Variants in SYN3 observed in about 807,000 individuals in gnomAD.
SYN3 encodes the protein synapsin-3.
Under a neutral mutation model 65.8 loss-of-function variants are expected in SYN3, and 35 were observed. The ratio of observed to expected loss-of-function variants is 0.53; its 90% CI spans 0.41 to 0.70. The LOEUF is 0.70. SYN3 is among the 30% of genes least tolerant of loss of function. The pLI is 0.00. For missense variants in SYN3, 680 were observed against 749.0 expected (o/e 0.91, Z 1.08); for synonymous variants, 270 against 292.9 (o/e 0.92, Z 0.80).
chr22:32,740,028 T>C (rs2061384965), intron 6 of SYN3, among the ~76,000 whole-genome samples: 1 of 152,102 alleles, frequency 6.6e-6, no homozygotes, highest in South Asian at 2.1e-4. Context: ...GTGACAGAGG[T>C]AAAGAATGAC....
At chr22:32,822,103 C>T (rs5754303) in intron 6 of SYN3, among the ~76,000 whole-genome samples, 7 of 146,732 alleles carry the variant, frequency 4.8e-5, no homozygotes, top group East Asian at 2.0e-4. Flanking sequence ...TGCAATGAGC[C>T]GAGATCGCAC....
intron 4 of SYN3, among the ~76,000 whole-genome samples, chr22:32,877,946 T>G (rs549206863): frequency 6.6e-6 from 1 of 152,256 alleles, no homozygotes; most frequent in Non-Finnish European, 1.5e-5. Flanking sequence ...AGGAATAATT[T>G]TTAGGATTTT....
chr22:32,999,512 G>T, intron 2 of SYN3, among the ~76,000 whole-genome samples: 1 of 152,028 alleles, frequency 6.6e-6, no homozygotes, highest in Non-Finnish European at 1.5e-5. Flanking sequence ...AGATGAAACC[G>T]TCTCTACTAA....
chr22:32,865,143 A>G lies in SYN3; in HGVS notation c.622-139T>C. The G allele has an allele frequency of 4.5e-6, 3 of 666,270 alleles. No homozygotes were observed. In the South Asian group the frequency reaches 5.3e-5, roughly 12 times the overall value. The allele number at this position is 666,270 out of a possible 1,614,324, so 41.3% of individuals were successfully genotyped here. On this transcript the variant is annotated intron_variant, in intron 5 of 13. Coordinates refer to ENST00000358763, the MANE Select transcript of SYN3 (RefSeq NM_003490.4). The stretch of plus-strand genomic sequence containing the variant: ...TGCTATCCTACCCTGCCTATAGGAT[A>G]AAGACCAGATTCCTTGGCTGGACAT...
intron 6 of SYN3, among the ~76,000 whole-genome samples, chr22:32,695,819 C>T (rs773393629): frequency 3.2e-4 from 48 of 152,150 alleles, no homozygotes; most frequent in Non-Finnish European, 5.9e-4. Context: ...TCTTCTATGA[C>T]TCACCTACCT....
chr22:32,510,483 GCCACAGGGGTTT>G lies in SYN3; in HGVS notation c.*3197_*3208del, dbSNP rs2146029962. Among the ~76,000 whole-genome samples, 1 of 152,270 alleles carries G rather than the reference GCCACAGGGGTTT, an allele frequency of 6.6e-6. No individual in the cohort carries two copies. The highest frequency in any genetic ancestry group is 2.1e-4 in the South Asian group (1 of 4,822). On this transcript the variant is annotated 3_prime_UTR_variant, in exon 14 of 14. Transcript: ENST00000358763. ...GTGAGATTGTTGAAGAGGGACGATT[GCCACAGGGGTTT>G]CCTGTGTTCTTAATCTCCTGAAACT... is the stretch of plus-strand genomic sequence containing the variant.
rs16991165 is a variant in SYN3 at position 32,777,533 on chromosome 22, C to T, written c.711+87382G>A. Among the ~76,000 whole-genome samples, 669 of 152,250 alleles carry T rather than the reference C, an allele frequency of 4.4e-3. 12 individuals are homozygous for T. The East Asian group carries it at 0.047, about 11-fold the overall frequency. ...CAGATGCCAAGTCTATCTAAACATT[C>T]TATCATCAGTTCATCATTTTTGCAT... is the stretch of plus-strand genomic sequence containing the variant. On this transcript the variant is annotated intron_variant, in intron 6 of 13. Coordinates refer to ENST00000358763, the MANE Select transcript of SYN3 (RefSeq NM_003490.4).
chr22:32,828,619 G>A (rs1443827168), intron 6 of SYN3, among the ~76,000 whole-genome samples: 10 of 152,232 alleles, frequency 6.6e-5, no homozygotes, highest in Admixed American at 6.5e-4. Flanking sequence ...CAGGCCCAGG[G>A]ACAGGAAGTG....
intron 1 of SYN3, among the ~76,000 whole-genome samples, chr22:33,055,739 G>C (rs555192225): frequency 2.0e-5 from 3 of 152,344 alleles, no homozygotes; most frequent in African/African-American, 4.8e-5. Flanking sequence ...ATTGGACAAA[G>C]AGCCTGTTAT....
intron 6 of SYN3, among the ~76,000 whole-genome samples, chr22:32,604,360 C>T (rs148591320): frequency 2.0e-5 from 3 of 152,284 alleles, no homozygotes; most frequent in Non-Finnish European, 4.4e-5. Context: ...TCTCCCTCCT[C>T]CTCCTCAGCC....
At chr22:32,515,059 G>A (rs2057749622) in intron 13 of SYN3, among the ~76,000 whole-genome samples, 1 of 152,002 alleles carries the variant, frequency 6.6e-6, no homozygotes, top group South Asian at 2.1e-4. Context: ...CGCAGGGACT[G>A]TCTTTTACTC....
chr22:32,948,750 A>ATAAATAAATAAG lies in SYN3; in HGVS notation c.370-17270_370-17269insCTTATTTATTTA, dbSNP rs1210270177. 4.6e-5 allele frequency among the ~76,000 whole-genome samples: 7 copies of ATAAATAAATAAG among 150,930 alleles called. No homozygotes were observed. The South Asian group carries it at 1.1e-3, about 23-fold the overall frequency. The stretch of plus-strand genomic sequence containing the variant: ...AGACTCCGTCTCAATAAATAAATAA[A>ATAAATAAATAAG]TAAATAAGTTCCTCGGTATGGTTTT... On this transcript the variant is annotated intron_variant, in intron 3 of 13. Transcript: ENST00000358763.
intron 7 of SYN3, among the ~76,000 whole-genome samples, chr22:32,560,277 A>G (rs2058568336): frequency 6.6e-6 from 1 of 152,234 alleles, no homozygotes; most frequent in South Asian, 2.1e-4. Context: ...CTCCTGCTCT[A>G]AAGCCTGCCT....
chr22:32,605,215 T>C (rs2059355725), intron 6 of SYN3, among the ~76,000 whole-genome samples: 1 of 152,004 alleles, frequency 6.6e-6, no homozygotes, highest in Non-Finnish European at 1.5e-5. Flanking sequence ...AGAAGTCATA[T>C]GCGAACAGGC....
intron 3 of SYN3, among the ~76,000 whole-genome samples, chr22:32,979,760 C>T (rs914724667): frequency 2.6e-5 from 4 of 152,104 alleles, no homozygotes; most frequent in Admixed American, 2.0e-4. Flanking sequence ...CTCACAGCAC[C>T]CTATGAACAC....
chr22:32,604,971 A>G (rs1277832846), intron 6 of SYN3, among the ~76,000 whole-genome samples: 1 of 143,994 alleles, frequency 6.9e-6, no homozygotes, highest in African/African-American at 2.6e-5. Context: ...GCGCCACTGC[A>G]CACCAGCCTG....
At chr22:32,737,306 T>G (rs1433111786) in intron 6 of SYN3, among the ~76,000 whole-genome samples, 6 of 152,036 alleles carry the variant, frequency 3.9e-5, no homozygotes, top group African/African-American at 1.4e-4. Flanking sequence ...TTCTTCTGGA[T>G]CTTTTCTTTT....
At chr22:32,693,228 C>T (rs777214506) in intron 6 of SYN3, among the ~76,000 whole-genome samples, 125 of 152,242 alleles carry the variant, frequency 8.2e-4, no homozygotes, top group Non-Finnish European at 1.1e-3. Context: ...TTGTGCTGTG[C>T]GGCCATGATG....
At position 32,875,646 on chromosome 22, in the gene SYN3, G is replaced by C. The variant is rs55835648; in HGVS notation, c.462-6521C>G. The stretch of plus-strand genomic sequence containing the variant: ...GTCTTTAGGAGAAGAGGGAAATTCG[G>C]AAACAGACACACACAGGGGAAGAGA... On this transcript the variant is annotated intron_variant, in intron 4 of 13. Transcript: ENST00000358763. Among the ~76,000 whole-genome samples, 785 of 152,288 alleles carry C rather than the reference G, an allele frequency of 5.2e-3. 5 individuals are homozygous for C. Among genetic ancestry groups the C allele is most frequent in the Middle Eastern group, 0.017 (5 of 294 alleles).
Sources: gnomAD v4.1 joint callset for allele counts (sites outside exome capture counted in the v4.1 genomes callset) on GRCh38, gnomAD v4.1.1 for gene constraint, MANE v1.5 for transcripts, NCBI Gene and HGNC (gene_info 2026-07-23, HGNC 2026-07-21) for gene names.